Variants in MACROD2 observed in about 807,000 individuals in gnomAD.
MACROD2 encodes the protein mono-ADP ribosylhydrolase 2.
MACROD2 carries 36 observed loss-of-function variants against 70.4 expected under a neutral mutation model. The observed-to-expected ratio is 0.51, with a 90% CI of 0.39 to 0.68. The LOEUF (loss-of-function observed/expected upper bound fraction) is 0.68, where lower values mean the gene tolerates loss of function less well. Among genes scored for constraint, MACROD2 ranks in the 30% least tolerant of loss-of-function variants. The pLI, the probability that MACROD2 is intolerant of heterozygous loss-of-function variation, is 0.00. For missense variants in MACROD2, 496 were observed against 538.4 expected, an observed-to-expected ratio of 0.92 and a Z score of 0.78; for synonymous variants, 172 against 178.8, an observed-to-expected ratio of 0.96 and a Z score of 0.30.
Position 15,045,356 on chromosome 20 carries a change from T to C in MACROD2, c.419-184584T>C, listed in dbSNP as rs191634441. 7.4e-3 allele frequency among the ~76,000 whole-genome samples: 1,121 copies of C among 152,282 alleles called. 20 individuals are homozygous for C. The highest frequency in any genetic ancestry group is 0.025 in the African/African-American group (1,047 of 41,560). ...ACCTTTGCCACCTCTGTGAGAGTGT[T>C]CTGACCTTGTCTGTGTTTTTCTCCC... On this transcript the variant is annotated intron_variant, in intron 5 of 17. Transcript: ENST00000684519.
intron 9 of MACROD2, among the ~76,000 whole-genome samples, chr20:15,875,264 A>G (rs900671182): frequency 1.3e-5 from 2 of 152,178 alleles, no homozygotes; most frequent in African/African-American, 2.4e-5. Context: ...TCATCTATGA[A>G]TAAGTGAAAG....
chr20:15,405,925 G>C (rs2045993972), intron 6 of MACROD2, among the ~76,000 whole-genome samples: 1 of 152,142 alleles, frequency 6.6e-6, no homozygotes, highest in Non-Finnish European at 1.5e-5. Context: ...GCCCACTTTT[G>C]CTCACCAACA....
At chr20:15,909,674 C>T (rs2065205375) in intron 10 of MACROD2, among the ~76,000 whole-genome samples, 1 of 151,824 alleles carries the variant, frequency 6.6e-6, no homozygotes, top group African/African-American at 2.4e-5. Context: ...CAGGCGCCCG[C>T]CACTGCGCCC....
intron 15 of MACROD2, among the ~76,000 whole-genome samples, chr20:16,028,384 C>CTT (rs2067108543): frequency 1.4e-5 from 1 of 70,014 alleles, no homozygotes; most frequent in African/African-American, 4.0e-5. Flanking sequence ...ACCTGGTGGA[C>CTT]ATTTTTTTTT....
At chr20:14,809,172 G>A (rs1016464239) in intron 5 of MACROD2, among the ~76,000 whole-genome samples, 28 of 151,924 alleles carry the variant, frequency 1.8e-4, no homozygotes, top group East Asian at 7.7e-4. Flanking sequence ...AAAATCAACC[G>A]CATAATTGGA....
intron 5 of MACROD2, among the ~76,000 whole-genome samples, chr20:14,947,729 G>A (rs1459929943): frequency 1.3e-5 from 2 of 152,044 alleles, no homozygotes; most frequent in Non-Finnish European, 1.5e-5. Context: ...CCCTAAAACT[G>A]CAGAATGACC....
At chr20:15,179,112 G>A (rs2076482570) in intron 5 of MACROD2, among the ~76,000 whole-genome samples, 1 of 152,166 alleles carries the variant, frequency 6.6e-6, no homozygotes, top group Non-Finnish European at 1.5e-5. Flanking sequence ...ATCCAGAATA[G>A]TGATTAGTTA....
intron 6 of MACROD2, among the ~76,000 whole-genome samples, chr20:15,390,299 A>G (rs1317912169): frequency 6.6e-6 from 1 of 152,174 alleles, no homozygotes; most frequent in East Asian, 1.9e-4. Context: ...ATGTTCTCCA[A>G]ACCCCCTATG....
intron 5 of MACROD2, among the ~76,000 whole-genome samples, chr20:14,927,387 T>C (rs2074245912): frequency 6.6e-6 from 1 of 152,102 alleles, no homozygotes; most frequent in African/African-American, 2.4e-5. Flanking sequence ...CACTAGACTG[T>C]CCTAGCAGAA....
intron 5 of MACROD2, among the ~76,000 whole-genome samples, chr20:15,112,279 G>A (rs973416607): frequency 1.3e-5 from 2 of 152,164 alleles, no homozygotes; most frequent in Non-Finnish European, 2.9e-5. Context: ...TAGAAATAAA[G>A]CATTGAGGGA....
intron 8 of MACROD2, among the ~76,000 whole-genome samples, chr20:15,806,446 G>T (rs1196304251): frequency 6.6e-6 from 1 of 152,144 alleles, no homozygotes; most frequent in African/African-American, 2.4e-5. Flanking sequence ...CTAATAGAAT[G>T]CTCAACACAA....
chr20:14,916,554 T>A (rs1289744468), intron 5 of MACROD2, among the ~76,000 whole-genome samples: 2 of 152,048 alleles, frequency 1.3e-5, no homozygotes, highest in Non-Finnish European at 2.9e-5. Flanking sequence ...CAAGATAACT[T>A]CAGGAGCAAA....
intron 4 of MACROD2, among the ~76,000 whole-genome samples, chr20:14,600,908 G>T (rs543507528): frequency 2.0e-5 from 3 of 152,148 alleles, no homozygotes; most frequent in African/African-American, 4.8e-5. Context: ...CTTGTCTCAT[G>T]TATTATATAG....
intron 2 of MACROD2, among the ~76,000 whole-genome samples, chr20:14,035,412 C>A (rs6042489): frequency 2.0e-5 from 3 of 152,124 alleles, no homozygotes; most frequent in African/African-American, 7.2e-5. Context: ...GTAAAGATAC[C>A]TAACTTTTAT....
chr20:14,590,792 T>A (rs1981717955), intron 4 of MACROD2, among the ~76,000 whole-genome samples: 1 of 152,192 alleles, frequency 6.6e-6, no homozygotes, highest in Non-Finnish European at 1.5e-5. Flanking sequence ...AATGTAATAC[T>A]GTCAGGTCAT....
chr20:15,100,343 C>A (rs970664029), intron 5 of MACROD2, among the ~76,000 whole-genome samples: 3 of 151,964 alleles, frequency 2.0e-5, no homozygotes, highest in African/African-American at 7.3e-5. Flanking sequence ...TGTTGAGGCA[C>A]AAGCCTGTTG....
chr20:14,147,406 A>G (rs1045264363), intron 3 of MACROD2, among the ~76,000 whole-genome samples: 3 of 152,218 alleles, frequency 2.0e-5, no homozygotes, highest in Non-Finnish European at 2.9e-5. Flanking sequence ...ATGAAAATTA[A>G]ATAATATATG....
In MACROD2 at chr20:14,594,058, G is replaced by A. The variant is rs542178274; in HGVS notation, c.302-90785G>A. Among the ~76,000 whole-genome samples, 16 of 152,328 alleles carry A rather than the reference G, an allele frequency of 1.1e-4. No homozygotes were observed. In the South Asian group the frequency reaches 1.4e-3, roughly 14 times the overall value. On this transcript the variant is annotated intron_variant, in intron 4 of 17. Coordinates refer to ENST00000684519, the MANE Select transcript of MACROD2 (RefSeq NM_001351661.2). Reference sequence around the variant, plus strand: ...ACAGATAAATAAATATACTAAATGAGACATGGTAAGTGCTGTTAAAGACAT... The same window carrying A: ...ACAGATAAATAAATATACTAAATGAAACATGGTAAGTGCTGTTAAAGACAT...
intron 2 of MACROD2, chr20:14,003,456 G>T (rs3842812): frequency 0.38 from 69,763 of 181,436 alleles, 14,012 homozygotes; most frequent in East Asian, 0.47. Context: ...ACGTTCTAAT[G>T]GGGTCATTGG....
Sources: allele counts gnomAD v4.1 joint callset (sites outside exome capture counted in the v4.1 genomes callset), GRCh38; gene constraint gnomAD v4.1.1; transcripts MANE v1.5; gene names NCBI Gene and HGNC (gene_info 2026-07-23, HGNC 2026-07-21).